Variants in DLGAP1 observed in about 807,000 individuals in gnomAD.
DLGAP1 encodes the protein disks large-associated protein 1.
A neutral mutation model predicts 90.8 loss-of-function variants in DLGAP1; 11 were observed. That is an observed-to-expected ratio of 0.12 (90% CI 0.08 to 0.20). The LOEUF is 0.20. Ranked by LOEUF, DLGAP1 falls within the 10% of genes least tolerant of loss-of-function variation. The pLI, the probability that DLGAP1 is intolerant of heterozygous loss-of-function variation, is 1.00. For synonymous variants in DLGAP1, 558 were observed against 540.7 expected (o/e 1.03, Z -0.44); for missense variants, 1,050 against 1,333.8 (o/e 0.79, Z 3.31).
chr18:3,878,377 TG>T (rs1210350772), intron 4 of DLGAP1: 1 of 152,184 alleles, frequency 6.6e-6, no homozygotes, highest in Non-Finnish European at 1.5e-5. Context: ...AAGGAGACAG[TG>T]GCAGGGGAAG....
At chr18:4,269,352 ATATT>A (rs1184768664) in intron 1 of DLGAP1, among the ~76,000 whole-genome samples, 260 of 131,246 alleles carry the variant, frequency 2.0e-3, no homozygotes, top group African/African-American at 8.0e-3. Context: ...ATATATATAT[ATATT>A]TTTTTTTTTC....
chr18:4,198,115 T>C (rs2077536243), intron 1 of DLGAP1, among the ~76,000 whole-genome samples: 1 of 151,952 alleles, frequency 6.6e-6, no homozygotes, highest in Non-Finnish European at 1.5e-5. Flanking sequence ...TCCCAGCTAC[T>C]CTGGAGGCTG....
intron 1 of DLGAP1, among the ~76,000 whole-genome samples, chr18:4,370,369 A>T (rs2081889617): frequency 6.6e-6 from 1 of 152,186 alleles, no homozygotes; most frequent in African/African-American, 2.4e-5. Flanking sequence ...GGGGGTTTGG[A>T]GCTCATGAAA....
rs192839748 is a variant in DLGAP1 at position 4,147,193 on chromosome 18, G to A, written c.-159+3987C>T. 3.0e-3 allele frequency among the ~76,000 whole-genome samples: 461 copies of A among 152,292 alleles called. 4 individuals carry two copies. Among genetic ancestry groups the A allele is most frequent in the African/African-American group, 0.011 (441 of 41,562 alleles). On this transcript the variant is annotated intron_variant, in intron 2 of 12. Coordinates refer to ENST00000315677, the MANE Select transcript of DLGAP1 (RefSeq NM_004746.4). ...ACTCAAGGAAAAGACATTTGCAAAG[G>A]AATTTATTAAATAGATGTGATTTGC...
intron 1 of DLGAP1, among the ~76,000 whole-genome samples, chr18:4,380,944 T>A (rs1241403840): frequency 6.6e-6 from 1 of 152,162 alleles, no homozygotes; most frequent in African/African-American, 2.4e-5. Flanking sequence ...TTAAAGCAGA[T>A]GTATTACAGT....
chr18:3,857,732 T>C (rs1385148288), intron 4 of DLGAP1, among the ~76,000 whole-genome samples: 2 of 152,212 alleles, frequency 1.3e-5, no homozygotes, highest in East Asian at 3.9e-4. Flanking sequence ...TCTCATCTTC[T>C]GACTTTACAC....
intron 8 of DLGAP1, chr18:3,580,265 G>A (rs559323575): frequency 3.1e-6 from 5 of 1,603,960 alleles, no homozygotes; most frequent in Non-Finnish European, 4.3e-6. Context: ...TGGAGTGGGG[G>A]ACGCTCCAGG....
chr18:4,446,396 G>A (rs559904275), intron 1 of DLGAP1, among the ~76,000 whole-genome samples: 1 of 152,024 alleles, frequency 6.6e-6, no homozygotes, highest in Non-Finnish European at 1.5e-5. Flanking sequence ...CCATTAAGAA[G>A]CTGCTATGTA....
chr18:4,236,937 G>A (rs1418602125), intron 1 of DLGAP1, among the ~76,000 whole-genome samples: 1 of 152,116 alleles, frequency 6.6e-6, no homozygotes, highest in South Asian at 2.1e-4. Context: ...CATATAAACA[G>A]TTCTCCTACC....
intron 7 of DLGAP1, among the ~76,000 whole-genome samples, chr18:3,706,412 A>G (rs1318219141): frequency 2.0e-5 from 3 of 152,148 alleles, no homozygotes; most frequent in Non-Finnish European, 4.4e-5. Flanking sequence ...GTGTCTCCAC[A>G]CTCAGGAACA....
chr18:3,918,905 C>T (rs1181131490), intron 3 of DLGAP1, among the ~76,000 whole-genome samples: 3 of 152,016 alleles, frequency 2.0e-5, no homozygotes, highest in East Asian at 1.9e-4. Context: ...ACTAGAGATG[C>T]GTAGCTTAGG....
chr18:3,521,631 C>T (rs527274614), intron 10 of DLGAP1, among the ~76,000 whole-genome samples: 1 of 152,252 alleles, frequency 6.6e-6, no homozygotes, highest in Admixed American at 6.5e-5. Context: ...CTCCTTTCAC[C>T]TCTCCCTCCT....
chr18:4,445,262 A>G (rs1598432985), intron 1 of DLGAP1, among the ~76,000 whole-genome samples: 1 of 150,386 alleles, frequency 6.6e-6, no homozygotes. Flanking sequence ...ATCTCTATTC[A>G]CCCTATTCCC....
chr18:3,635,285 C>T (rs548912972), intron 7 of DLGAP1, among the ~76,000 whole-genome samples: 53 of 152,172 alleles, frequency 3.5e-4, no homozygotes, highest in Admixed American at 1.6e-3. Context: ...CGCCCGCCAC[C>T]ACGCCCGGCT....
At chr18:3,952,287 GTT>G (rs2073001966) in intron 3 of DLGAP1, among the ~76,000 whole-genome samples, 1 of 152,156 alleles carries the variant, frequency 6.6e-6, no homozygotes, top group Non-Finnish European at 1.5e-5. Context: ...TATCAAGGAA[GTT>G]CGCTTTAATC....
chr18:3,957,608 T>A (rs2073108201), intron 3 of DLGAP1, among the ~76,000 whole-genome samples: 1 of 152,156 alleles, frequency 6.6e-6, no homozygotes, highest in Admixed American at 6.5e-5. Flanking sequence ...TTCTATTTAC[T>A]ATAAATTAAT....
intron 1 of DLGAP1, among the ~76,000 whole-genome samples, chr18:4,264,387 T>C (rs911413257): frequency 2.6e-5 from 4 of 152,234 alleles, no homozygotes; most frequent in African/African-American, 9.6e-5. Flanking sequence ...TTCAATGTCA[T>C]TGTTCTCTGG....
At chr18:3,738,147 A>G (rs1195894476) in intron 6 of DLGAP1, among the ~76,000 whole-genome samples, 4 of 151,360 alleles carry the variant, frequency 2.6e-5, no homozygotes, top group Admixed American at 1.3e-4. Context: ...ATGGAAGAAC[A>G]TTCCATGCTC....
At chr18:4,069,082 G>A (rs1198315334) in intron 2 of DLGAP1, among the ~76,000 whole-genome samples, 1 of 152,122 alleles carries the variant, frequency 6.6e-6, no homozygotes, top group African/African-American at 2.4e-5. Flanking sequence ...TGCTCTGAGA[G>A]TATATAGATA....
Sources: allele counts gnomAD v4.1 joint callset (sites outside exome capture counted in the v4.1 genomes callset), GRCh38; gene constraint gnomAD v4.1.1; transcripts MANE v1.5; gene names NCBI Gene and HGNC (gene_info 2026-07-23, HGNC 2026-07-21).